Variants in CCDC91 observed in about 807,000 individuals in gnomAD.
The protein encoded by CCDC91 is coiled-coil domain containing 91.
CCDC91 carries 48 observed loss-of-function variants against 63.2 expected under a neutral mutation model. That is an observed-to-expected ratio of 0.76 (90% CI 0.60 to 0.97). The LOEUF (loss-of-function observed/expected upper bound fraction) is 0.97, where lower values mean the gene tolerates loss of function less well. Among genes scored for constraint, CCDC91 ranks in the 50% least tolerant of loss-of-function variants. The pLI, the probability that CCDC91 is intolerant of heterozygous loss-of-function variation, is 0.00. For synonymous variants in CCDC91, 167 were observed against 165.8 expected (o/e 1.01, Z -0.06); for missense variants, 500 against 494.6 (o/e 1.01, Z -0.10).
intron 1 of CCDC91, among the ~76,000 whole-genome samples, chr12:28,195,092 C>A (rs1314788208): frequency 2.0e-5 from 3 of 152,168 alleles, no homozygotes; most frequent in Non-Finnish European, 4.4e-5. Context: ...CCACTCACAT[C>A]CTGCAGATTG....
At chr12:28,532,536 A>T (rs1941825976) in intron 12 of CCDC91, among the ~76,000 whole-genome samples, 1 of 152,102 alleles carries the variant, frequency 6.6e-6, no homozygotes, top group Non-Finnish European at 1.5e-5. Context: ...AGACAGAGGG[A>T]TGAATACAAA....
intron 11 of CCDC91, among the ~76,000 whole-genome samples, chr12:28,472,672 G>A (rs938246204): frequency 6.6e-6 from 1 of 152,154 alleles, no homozygotes; most frequent in African/African-American, 2.4e-5. Flanking sequence ...AGACAAGTAT[G>A]CTAAATATTT....
intron 6 of CCDC91, among the ~76,000 whole-genome samples, chr12:28,341,259 G>A (rs1942398735): frequency 1.3e-5 from 2 of 152,272 alleles, no homozygotes; most frequent in South Asian, 4.1e-4. Context: ...GCAGGCCAGG[G>A]TGGTCTTGGG....
intron 1 of CCDC91, among the ~76,000 whole-genome samples, chr12:28,204,363 A>G (rs1443230697): frequency 6.6e-6 from 1 of 152,178 alleles, no homozygotes; most frequent in African/African-American, 2.4e-5. Flanking sequence ...ATGCTTTTTC[A>G]TGCTCATATT....
Position 28,452,587 on chromosome 12 carries a change from CA to C in CCDC91, c.1038del (p.Asp347IlefsTer19). On this transcript the variant is annotated frameshift_variant, in exon 11 of 13. Coordinates refer to ENST00000536442, the MANE Select transcript of CCDC91 (RefSeq NM_018318.5). LOFTEE classifies it high-confidence loss of function. ...EERELWKTEH[A>X]KDQEKVSQEI... is the part of the protein sequence containing the mutation. ...AGGGAATTATGGAAGACAGAACATG[CA>C]AAAGATCAAGAAAAAGTATCTCAGG... The C allele has an allele frequency of 1.3e-6, 2 of 1,580,876 alleles. No homozygotes were observed. The highest frequency in any genetic ancestry group is 3.4e-4 in the Middle Eastern group (2 of 5,948).
At chr12:28,442,363 C>T (rs10506034) in intron 8 of CCDC91, among the ~76,000 whole-genome samples, 32,434 of 151,988 alleles carry the variant, frequency 0.21, 4,191 homozygotes, top group Non-Finnish European at 0.3. Flanking sequence ...AGACGTTATA[C>T]AATAGACCAG....
chr12:28,361,276 A>C (rs1311432951), intron 6 of CCDC91, among the ~76,000 whole-genome samples: 2 of 151,760 alleles, frequency 1.3e-5, no homozygotes, highest in East Asian at 3.9e-4. Flanking sequence ...GGTGTGCTGC[A>C]CCCATTAACT....
intron 11 of CCDC91, among the ~76,000 whole-genome samples, chr12:28,471,961 G>A (rs1476318344): frequency 6.6e-6 from 1 of 152,076 alleles, no homozygotes; most frequent in African/African-American, 2.4e-5. Context: ...CTGTTGGCCA[G>A]GCTGGTCTCG....
intron 11 of CCDC91, among the ~76,000 whole-genome samples, chr12:28,481,013 T>C (rs1343437599): frequency 6.6e-6 from 1 of 152,006 alleles, no homozygotes; most frequent in Non-Finnish European, 1.5e-5. Context: ...TTTTTAGCCC[T>C]GAATGACATT....
chr12:28,422,954 T>C lies in CCDC91; in HGVS notation c.763-27207T>C, dbSNP rs536333951. ...AATTCCAAGGTTGTTGTTGTTGGTG[T>C]TTGTTGTTGTTGGTGGTTGTTGTTG... On this transcript the variant is annotated intron_variant, in intron 8 of 12. Transcript: ENST00000536442. Among the ~76,000 whole-genome samples, 6 of 150,822 alleles carry C rather than the reference T, an allele frequency of 4.0e-5. No individual in the cohort carries two copies. In the East Asian group the frequency reaches 1.2e-3, roughly 29 times the overall value.
At chr12:28,385,237 T>C (rs1223228572) in intron 7 of CCDC91, among the ~76,000 whole-genome samples, 1 of 152,144 alleles carries the variant, frequency 6.6e-6, no homozygotes, top group Non-Finnish European at 1.5e-5. Context: ...TTTATGATTA[T>C]TTTGTATATA....
intron 1 of CCDC91, among the ~76,000 whole-genome samples, chr12:28,246,273 AG>A (rs1945726225): frequency 6.6e-6 from 1 of 152,176 alleles, no homozygotes; most frequent in Non-Finnish European, 1.5e-5. Context: ...AAGGATTGTG[AG>A]TCCAGATAAG....
At chr12:28,488,554 A>G (rs531336394) in intron 12 of CCDC91, among the ~76,000 whole-genome samples, 7 of 151,902 alleles carry the variant, frequency 4.6e-5, no homozygotes, top group Non-Finnish European at 7.4e-5. Context: ...TGTAAAATCT[A>G]TCATGCTAAT....
chr12:28,324,869 A>T (rs2137511766), intron 6 of CCDC91, among the ~76,000 whole-genome samples: 1 of 151,958 alleles, frequency 6.6e-6, no homozygotes, highest in East Asian at 1.9e-4. Flanking sequence ...ATTTGAAATG[A>T]TATTTTTCTT....
Position 28,191,009 on chromosome 12 carries a change from C to T in CCDC91, c.-15+368C>T, listed in dbSNP as rs1467475968. ...ATTCTTGCTTAGATTACACAGAACG[C>T]GCCTGGTTTATGTATCCCCTTTTAC... is the stretch of plus-strand genomic sequence containing the variant. On this transcript the variant is annotated intron_variant, in intron 1 of 12. Transcript: ENST00000536442. 2.6e-5 allele frequency among the ~76,000 whole-genome samples: 4 copies of T among 152,368 alleles called. No homozygotes were observed. In the South Asian group the frequency reaches 6.2e-4, roughly 24 times the overall value.
chr12:28,520,285 T>C (rs1940477161), intron 12 of CCDC91, among the ~76,000 whole-genome samples: 4 of 152,210 alleles, frequency 2.6e-5, no homozygotes, highest in Admixed American at 2.0e-4. Flanking sequence ...AGATGGTGTC[T>C]CATTGTGGTT....
At chr12:28,231,090 C>T (rs1477506061) in intron 1 of CCDC91, among the ~76,000 whole-genome samples, 8 of 152,138 alleles carry the variant, frequency 5.3e-5, no homozygotes, top group Non-Finnish European at 8.8e-5. Flanking sequence ...AGAAATAGAG[C>T]TCTGTGGTGA....
At chr12:28,277,562 A>G (rs1948326158) in intron 3 of CCDC91, among the ~76,000 whole-genome samples, 1 of 152,036 alleles carries the variant, frequency 6.6e-6, no homozygotes, top group Non-Finnish European at 1.5e-5. Flanking sequence ...TGGGACTGTC[A>G]AATTTGGGAT....
At chr12:28,535,185 T>G (rs190790165) in intron 12 of CCDC91, among the ~76,000 whole-genome samples, 187 of 152,316 alleles carry the variant, frequency 1.2e-3, no homozygotes, top group Non-Finnish European at 2.3e-3. Flanking sequence ...TCTTGGTATT[T>G]CCTGAATACT....
Sources: gnomAD v4.1 joint callset for allele counts (sites outside exome capture counted in the v4.1 genomes callset) on GRCh38, gnomAD v4.1.1 for gene constraint, MANE v1.5 for transcripts, NCBI Gene and HGNC (gene_info 2026-07-23, HGNC 2026-07-21) for gene names.